The following SULF1 variants were observed in gnomAD, a reference collection of about 807,000 sequenced individuals.
SULF1 encodes the protein sulfatase 1.
A neutral mutation model predicts 110.5 loss-of-function variants in SULF1; 46 were observed. That is an observed-to-expected ratio of 0.42 (90% CI 0.33 to 0.53). SULF1 has a LOEUF of 0.53. SULF1 is among the 20% of genes least tolerant of loss of function. The pLI is 0.12. For synonymous variants in SULF1, 371 were observed against 387.1 expected, an observed-to-expected ratio of 0.96 and a Z score of 0.49; for missense variants, 941 against 1,094.2, an observed-to-expected ratio of 0.86 and a Z score of 1.98.
intron 3 of SULF1, among the ~76,000 whole-genome samples, chr8:69,516,236 A>G (rs967789124): frequency 6.6e-6 from 1 of 152,106 alleles, no homozygotes; most frequent in African/African-American, 2.4e-5. Flanking sequence ...TTGGCTCACA[A>G]CTCTGCAGGC....
intron 19 of SULF1, among the ~76,000 whole-genome samples, chr8:69,636,303 G>A (rs1248812092): frequency 2.6e-5 from 4 of 152,158 alleles, no homozygotes; most frequent in Admixed American, 6.5e-5. Context: ...TTGGGAGGCC[G>A]AGATGGGCAG....
chr8:69,575,772 T>C (rs1221818816), intron 5 of SULF1, among the ~76,000 whole-genome samples, 198 bp from the exon 6 acceptor site: 1 of 152,188 alleles, frequency 6.6e-6, no homozygotes, highest in Non-Finnish European at 1.5e-5. Flanking sequence ...ATGTTTATTA[T>C]TCTGCAAAAT....
intron 3 of SULF1, among the ~76,000 whole-genome samples, chr8:69,560,199 C>T (rs778502678): frequency 1.3e-5 from 2 of 152,084 alleles, no homozygotes; most frequent in Non-Finnish European, 2.9e-5. Context: ...ACCAAGCTGC[C>T]CAGCCAAAGT....
intron 3 of SULF1, among the ~76,000 whole-genome samples, chr8:69,527,113 A>C (rs1052313681): frequency 6.6e-6 from 1 of 152,096 alleles, no homozygotes; most frequent in African/African-American, 2.4e-5. Flanking sequence ...GTTTGCTGAT[A>C]GCTCTCTATC....
chr8:69,593,531 G>A (rs1367434607), intron 8 of SULF1, among the ~76,000 whole-genome samples: 1 of 152,136 alleles, frequency 6.6e-6, no homozygotes. Flanking sequence ...CTCAGACTGG[G>A]GTGAATGTAT....
Position 69,636,176 on chromosome 8 carries a change from T to C in SULF1, c.2285-2326T>C, listed in dbSNP as rs556112592. ...TCAAACACATCTTTCTCAATCAAAA[T>C]AGGAACCATTACACCCAACGCATTT... On this transcript the variant is annotated intron_variant, in intron 19 of 22. Transcript: ENST00000402687. Among the ~76,000 whole-genome samples, 5 of 152,244 alleles carry C rather than the reference T, an allele frequency of 3.3e-5. No individual in the cohort carries two copies. In the East Asian group the frequency reaches 9.7e-4, roughly 29 times the overall value.
intron 3 of SULF1, among the ~76,000 whole-genome samples, chr8:69,507,646 T>C (rs1811289018): frequency 6.6e-6 from 1 of 152,160 alleles, no homozygotes. Flanking sequence ...TTTGAGGATA[T>C]TTTTACTGCA....
Position 69,621,211 on chromosome 8 carries a change from A to C in SULF1, c.1554A>C (p.Arg518Ser). 1 of 1,613,980 alleles carries C rather than the reference A, an allele frequency of 6.2e-7. No homozygotes were observed. The highest frequency in any genetic ancestry group is 8.5e-7 in the Non-Finnish European group (1 of 1,179,900). The change falls in exon 14 of 23, where the codon AGA (arginine) becomes AGC (serine). Residue 518 changes from arginine (R) to serine (S), a missense_variant. Arg to Ser is a moderately radical substitution (Grantham distance 110). Coordinates refer to ENST00000402687, the MANE Select transcript of SULF1 (RefSeq NM_001128205.2). ...ESGYRASRSQ[R>S]KSQRQFLRNQ... ...GTTACCGTGCCAGCAGAAGCCAAAGAAAGAGTCAACGGCAATTCTTGAGAA... is the reference window on the plus strand; with the variant it reads ...GTTACCGTGCCAGCAGAAGCCAAAGCAAGAGTCAACGGCAATTCTTGAGAA...
At chr8:69,579,407 G>T (rs1805892039) in intron 6 of SULF1, among the ~76,000 whole-genome samples, 1 of 151,824 alleles carries the variant, frequency 6.6e-6, no homozygotes, top group African/African-American at 2.4e-5. Flanking sequence ...AAATTAGCCA[G>T]GTGTGTTGGT....
At chr8:69,479,186 G>C (rs1224210700) in intron 1 of SULF1, among the ~76,000 whole-genome samples, 3 of 152,246 alleles carry the variant, frequency 2.0e-5, no homozygotes, top group African/African-American at 7.2e-5. Context: ...GTATAGCTGG[G>C]TGTCACTCAC....
intron 3 of SULF1, among the ~76,000 whole-genome samples, chr8:69,518,641 A>G (rs543134977): frequency 1.3e-5 from 2 of 152,080 alleles, no homozygotes; most frequent in East Asian, 3.9e-4. Context: ...ATTGAGTCCT[A>G]CTCTTAAGGC....
chr8:69,516,913 T>G (rs1168680748), intron 3 of SULF1, among the ~76,000 whole-genome samples: 3 of 152,350 alleles, frequency 2.0e-5, no homozygotes, highest in Non-Finnish European at 4.4e-5. Flanking sequence ...TTTAAAGTTT[T>G]GGTGGGAAAA....
chr8:69,481,351 T>A (rs1485651058), intron 1 of SULF1, among the ~76,000 whole-genome samples: 1 of 152,194 alleles, frequency 6.6e-6, no homozygotes, highest in African/African-American at 2.4e-5. Flanking sequence ...TTTTTTTATA[T>A]CTAAACTTTA....
At chr8:69,641,899 C>T (rs936229723) in intron 22 of SULF1, among the ~76,000 whole-genome samples, 11 of 152,078 alleles carry the variant, frequency 7.2e-5, no homozygotes, top group African/African-American at 2.4e-4. Context: ...AGGGGGGACG[C>T]ACGCTCCTGA....
intron 3 of SULF1, among the ~76,000 whole-genome samples, chr8:69,510,292 A>G (rs566880870): frequency 2.6e-5 from 4 of 152,282 alleles, no homozygotes; most frequent in Admixed American, 6.5e-5. Context: ...CCCATGAGAG[A>G]AGTATGGTTT....
chr8:69,496,125 A>G (rs1441205), intron 2 of SULF1, among the ~76,000 whole-genome samples, 199 bp downstream of exon 2: 6,245 of 152,330 alleles, frequency 0.041, 384 homozygotes, highest in African/African-American at 0.14. Flanking sequence ...CAAAGCCTCT[A>G]TCGGATTTCC....
At chr8:69,592,484 A>G (rs1291934635) in intron 8 of SULF1, among the ~76,000 whole-genome samples, 3 of 152,224 alleles carry the variant, frequency 2.0e-5, no homozygotes. Flanking sequence ...AAATCTACAC[A>G]GTGCAGAGGG....
At chr8:69,538,015 CA>C (rs1279992040) in intron 3 of SULF1, among the ~76,000 whole-genome samples, 3 of 149,844 alleles carry the variant, frequency 2.0e-5, no homozygotes, top group Non-Finnish European at 3.0e-5. Flanking sequence ...GGCTGTCGTG[CA>C]GTGGCGCCAT....
At chr8:69,628,117 C>T (rs1810239322) in intron 17 of SULF1, 54 bp from the exon 18 acceptor site, 3 of 1,442,100 alleles carry the variant, frequency 2.1e-6, no homozygotes, top group Admixed American at 1.7e-5. Context: ...AAAATGAACA[C>T]TTTGATCCAA....
Sources: allele counts gnomAD v4.1 joint callset (sites outside exome capture counted in the v4.1 genomes callset), GRCh38; gene constraint gnomAD v4.1.1; transcripts MANE v1.5; gene names NCBI Gene and HGNC (gene_info 2026-07-23, HGNC 2026-07-21).